Variants in SLC25A33 observed in about 807,000 individuals in gnomAD.
SLC25A33 encodes the protein solute carrier family 25 member 33, also known as bone marrow stromal cell mitochondrial carrier protein.
A neutral mutation model predicts 35.5 loss-of-function variants in SLC25A33; 15 were observed. The ratio of observed to expected loss-of-function variants is 0.42; its 90% CI spans 0.28 to 0.65. SLC25A33 has a LOEUF of 0.65. Among genes scored for constraint, SLC25A33 ranks in the 30% least tolerant of loss-of-function variants. The probability of loss-of-function intolerance (pLI) is 0.20; values close to 1 mark genes in which losing one functional copy is unlikely to be tolerated. For missense variants in SLC25A33, 257 were observed against 398.5 expected, an observed-to-expected ratio of 0.64 and a Z score of 3.02; for synonymous variants, 136 against 148.7, an observed-to-expected ratio of 0.91 and a Z score of 0.62.
At chr1:9,579,381 G>A (rs999419914) in intron 5 of SLC25A33, among the ~76,000 whole-genome samples, 3 of 148,602 alleles carry the variant, frequency 2.0e-5, no homozygotes, top group Non-Finnish European at 3.0e-5. Flanking sequence ...GCTTCTGAAC[G>A]ACCAGCTTCA....
intron 3 of SLC25A33, among the ~76,000 whole-genome samples, chr1:9,569,939 A>G (rs1005662515): frequency 9.9e-5 from 15 of 152,184 alleles, no homozygotes; most frequent in African/African-American, 2.7e-4. Context: ...AAAACTTCCA[A>G]TGTGTTGAAG....
intron 5 of SLC25A33, chr1:9,576,639 T>C (rs190623591): frequency 6.6e-6 from 4 of 606,804 alleles, no homozygotes; most frequent in East Asian, 4.2e-5. Context: ...TTGGTAGTTA[T>C]GTGCAGAACA....
intron 6 of SLC25A33, among the ~76,000 whole-genome samples, chr1:9,580,852 C>CT (rs1359688968): frequency 8.2e-6 from 1 of 122,340 alleles, no homozygotes; most frequent in Admixed American, 7.5e-5. Context: ...GAGACTCTGT[C>CT]TCAAAAAAAA....
chr1:9,562,642 G>T (rs1440773608), intron 2 of SLC25A33, among the ~76,000 whole-genome samples: 1 of 152,040 alleles, frequency 6.6e-6, no homozygotes, highest in Non-Finnish European at 1.5e-5. Context: ...ATCACTTGAG[G>T]TAGGGAGTTC....
Position 9,579,981 on chromosome 1 carries a change from A to T in SLC25A33, c.510A>T (p.Thr170=). ...QKVRGSKQMN[T]LQCARYVYQT... is the part of the protein sequence containing the mutation. ...TGAGGGGCTCTAAGCAGATGAATAC[A>T]CTCCAGTGTGCTCGTTACGTTTACC... The change falls in exon 6 of 7, where the codon ACA becomes ACT. Residue 170 remains threonine, a synonymous_variant. Transcript: ENST00000302692. The T allele has an allele frequency of 6.2e-7, 1 of 1,613,220 alleles. No homozygotes were observed. The highest frequency in any genetic ancestry group is 1.1e-5 in the South Asian group (1 of 90,984).
rs572793444 is a variant in SLC25A33 at position 9,571,005 on chromosome 1, G to A, written c.415+647G>A. ...TGGGATTACAGGCATGAGCCACTGC[G>A]CCCAGCCCCATCAGATGATTTTCTA... On this transcript the variant is annotated intron_variant, in intron 4 of 6. Transcript: ENST00000302692. 1.3e-3 allele frequency among the ~76,000 whole-genome samples: 196 copies of A among 151,774 alleles called. 2 individuals carry two copies. Among genetic ancestry groups the A allele is most frequent in the African/African-American group, 4.6e-3 (191 of 41,396 alleles).
At chr1:9,542,240 G>T (rs1173480021) in intron 1 of SLC25A33, among the ~76,000 whole-genome samples, 1 of 152,072 alleles carries the variant, frequency 6.6e-6, no homozygotes, top group Non-Finnish European at 1.5e-5. Context: ...CCCTCTGGCT[G>T]CCAGATTCTC....
intron 2 of SLC25A33, among the ~76,000 whole-genome samples, chr1:9,565,438 C>T (rs562401769): frequency 6.6e-6 from 1 of 150,976 alleles, no homozygotes; most frequent in Admixed American, 6.6e-5. Flanking sequence ...ATGGCATGAA[C>T]CTGGGAGGCG....
chr1:9,559,403 T>C (rs1047381295), intron 2 of SLC25A33, among the ~76,000 whole-genome samples: 2 of 152,112 alleles, frequency 1.3e-5, no homozygotes, highest in East Asian at 1.9e-4. Context: ...CAGGAAGATA[T>C]TGCATATAAA....
At chr1:9,552,053 A>C (rs964658909) in intron 1 of SLC25A33, among the ~76,000 whole-genome samples, 1 of 152,208 alleles carries the variant, frequency 6.6e-6, no homozygotes, top group Non-Finnish European at 1.5e-5. Context: ...AAAAATATTT[A>C]AATAGTAATT....
Position 9,563,975 on chromosome 1 carries a change from A to G in SLC25A33, c.237-3309A>G, listed in dbSNP as rs151265700. On this transcript the variant is annotated intron_variant, in intron 2 of 6. Coordinates refer to ENST00000302692, the MANE Select transcript of SLC25A33 (RefSeq NM_032315.3). Reference sequence around the variant, plus strand: ...CTCCCAGCCATTCTATTAACTTTTGACTAGCATATGATTATTTGTGAGCTA... The same window carrying G: ...CTCCCAGCCATTCTATTAACTTTTGGCTAGCATATGATTATTTGTGAGCTA... 3.6e-3 allele frequency among the ~76,000 whole-genome samples: 547 copies of G among 152,230 alleles called. 4 individuals carry two copies. Among genetic ancestry groups the G allele is most frequent in the African/African-American group, 0.012 (511 of 41,552 alleles).
chr1:9,542,695 A>G (rs1352167456), intron 1 of SLC25A33, among the ~76,000 whole-genome samples: 1 of 152,238 alleles, frequency 6.6e-6, no homozygotes, highest in Non-Finnish European at 1.5e-5. Context: ...CAGAGTCCCC[A>G]CTAAAAATCT....
At chr1:9,560,206 C>G (rs1271468595) in intron 2 of SLC25A33, among the ~76,000 whole-genome samples, 1 of 149,798 alleles carries the variant, frequency 6.7e-6, no homozygotes, top group African/African-American at 2.5e-5. Flanking sequence ...GAGCCGAGAT[C>G]ACGCCACTGC....
intron 1 of SLC25A33, among the ~76,000 whole-genome samples, chr1:9,551,898 T>C (rs1302050531): frequency 6.6e-6 from 1 of 152,174 alleles, no homozygotes; most frequent in Non-Finnish European, 1.5e-5. Flanking sequence ...GCCTGTGTCA[T>C]TGGTAGGCAT....
chr1:9,551,297 C>T (rs992055213), intron 1 of SLC25A33, among the ~76,000 whole-genome samples: 1 of 152,090 alleles, frequency 6.6e-6, no homozygotes, highest in African/African-American at 2.4e-5. Flanking sequence ...TGCTTGAATC[C>T]AGGAGGCAGA....
Position 9,579,863 on chromosome 1 carries a change from G to A in SLC25A33, c.483-91G>A, listed in dbSNP as rs540086211. 8 of 1,416,360 alleles carry A rather than the reference G, an allele frequency of 5.6e-6. No individual in the cohort carries two copies. The African/African-American group carries it at 7.2e-5, about 13-fold the overall frequency. The allele number at this position is 1,416,360 out of a possible 1,614,324, so 87.7% of individuals were successfully genotyped here. A position where few individuals can be genotyped will look rare whatever the true frequency, so the allele number is the denominator to read the frequency against. On this transcript the variant is annotated intron_variant, in intron 5 of 6. Coordinates refer to ENST00000302692, the MANE Select transcript of SLC25A33 (RefSeq NM_032315.3). ...GGAAACAAGTATCCTAACACCATAA[G>A]GAAGACCCGTACCTGTTCTCCTACT...
intron 2 of SLC25A33, among the ~76,000 whole-genome samples, chr1:9,556,766 A>G (rs939121990): frequency 2.0e-5 from 3 of 151,956 alleles, no homozygotes; most frequent in Admixed American, 1.3e-4. Flanking sequence ...ATTGTTTAGT[A>G]AAATTTAAAT....
chr1:9,567,948 G>A (rs112353736), intron 3 of SLC25A33, among the ~76,000 whole-genome samples: 20 of 152,286 alleles, frequency 1.3e-4, no homozygotes, highest in African/African-American at 4.6e-4. Context: ...CAGAATTAAA[G>A]GTTCAGTTGC....
chr1:9,561,048 C>T (rs1203503897), intron 2 of SLC25A33, among the ~76,000 whole-genome samples: 2 of 151,076 alleles, frequency 1.3e-5, no homozygotes, highest in Non-Finnish European at 2.9e-5. Context: ...CTCCCGGATT[C>T]AAGCGATTCT....
Sources: gnomAD v4.1 joint callset for allele counts (sites outside exome capture counted in the v4.1 genomes callset) on GRCh38, gnomAD v4.1.1 for gene constraint, MANE v1.5 for transcripts, NCBI Gene and HGNC (gene_info 2026-07-23, HGNC 2026-07-21) for gene names.